Variants in OR2V2 observed in about 807,000 individuals in gnomAD.
The protein encoded by OR2V2 is olfactory receptor 2V2.
For missense variants in OR2V2, 392 were observed against 392.2 expected (o/e 1.00, Z 0.00); for synonymous variants, 161 against 151.3 (o/e 1.06, Z -0.47).
Position 181,147,827 on chromosome 5 carries a change from C to A in OR2V2, c.-193C>A, listed in dbSNP as rs1050302777. ...GCTGAGGGTGCCGTGGGCTCCACAG[C>A]CCGATGAGTAGTCGGTGCGGGCTGA... On this transcript the variant is annotated 5_prime_UTR_variant, in exon 1 of 2. Coordinates refer to ENST00000641492, the MANE Select transcript of OR2V2 (RefSeq NM_206880.2). The A allele has an allele frequency of 2.3e-4, 90 of 394,014 alleles. No homozygotes were observed. The highest frequency in any genetic ancestry group is 7.0e-4 in the African/African-American group (34 of 48,540). The allele number at this position is 394,014 out of a possible 1,614,324, so 24.4% of individuals were successfully genotyped here. A position where few individuals can be genotyped will look rare whatever the true frequency, so the allele number is the denominator to read the frequency against.
Position 181,155,683 on chromosome 5 carries a change from A to T in OR2V2, c.741A>T (p.Thr247=). The change falls in exon 2 of 2, where the codon ACA becomes ACT. Residue 247 remains threonine, a synonymous_variant. Transcript: ENST00000641492. ...KALATCSSHL[T]AVTLFYGAAM... Reference sequence around the variant, plus strand: ...TGGCCACCTGCTCCTCCCACCTGACAGCTGTCACCCTCTTCTATGGGGCAG... The same window carrying T: ...TGGCCACCTGCTCCTCCCACCTGACTGCTGTCACCCTCTTCTATGGGGCAG... 2 of 1,614,188 alleles carry T rather than the reference A, an allele frequency of 1.2e-6. No individual in the cohort carries two copies. Among genetic ancestry groups the T allele is most frequent in the Non-Finnish European group, 1.7e-6 (2 of 1,180,040 alleles).
In OR2V2 at chr5:181,155,969, T is replaced by G. The variant is rs1763259432; in HGVS notation, c.*79T>G. 2.2e-6 allele frequency: 3 copies of G among 1,360,288 alleles called. No homozygotes were observed. Among genetic ancestry groups the G allele is most frequent in the Non-Finnish European group, 2.0e-6 (2 of 999,114 alleles). 84.3% of individuals were successfully genotyped at this position (1,360,288 alleles called of 1,614,324 possible). On this transcript the variant is annotated 3_prime_UTR_variant, in exon 2 of 2. Coordinates refer to ENST00000641492, the MANE Select transcript of OR2V2 (RefSeq NM_206880.2). ...GTTAATAATTCTCTCATTTTCAGTC[T>G]TGGTTTCCTCGTGAATTATGATGAT...
In OR2V2 at chr5:181,154,990, A is replaced by G. The variant is rs779199232; in HGVS notation, c.48A>G (p.Leu16=). 3.0e-4 allele frequency: 484 copies of G among 1,613,538 alleles called. No homozygotes were observed. The highest frequency in any genetic ancestry group is 3.8e-4 in the Non-Finnish European group (448 of 1,179,458). Residue 16 remains leucine (L), a synonymous_variant, in exon 2 of 2, where the codon TTA becomes TTG. Coordinates refer to ENST00000641492, the MANE Select transcript of OR2V2 (RefSeq NM_206880.2). ...CCTACACAGATGGCTTCTTCCTCTT[A>G]GGCATCTTCTCCCACAGTACTGCTG... ...NQSYTDGFFL[L]GIFSHSTADL... is the part of the protein sequence containing the mutation.
chr5:181,158,822 C>T lies in OR2V2; in HGVS notation c.*2932C>T, dbSNP rs549534117. On this transcript the variant is annotated 3_prime_UTR_variant, in exon 2 of 2. Coordinates refer to ENST00000641492, the MANE Select transcript of OR2V2 (RefSeq NM_206880.2). Reference sequence around the variant, plus strand: ...AGGCCAGTTTTTTTTTTGCCAACTACCTTACCAAATCCTTTCCCATCAAGT... The same window carrying T: ...AGGCCAGTTTTTTTTTTGCCAACTATCTTACCAAATCCTTTCCCATCAAGT... 1 of 151,398 alleles carries T rather than the reference C, an allele frequency of 6.6e-6. No individual in the cohort carries two copies. Among genetic ancestry groups the T allele is most frequent in the African/African-American group, 2.4e-5 (1 of 41,208 alleles). 9.4% of individuals were successfully genotyped at this position (151,398 alleles called of 1,614,324 possible).
intron 1 of OR2V2, among the ~76,000 whole-genome samples, chr5:181,153,375 C>T (rs1041229104): frequency 2.0e-5 from 3 of 152,088 alleles, no homozygotes; most frequent in Non-Finnish European, 2.9e-5. Context: ...TGGTGCCTCT[C>T]GATACTAAGG....
At chr5:181,154,459 G>A (rs1259272355) in intron 1 of OR2V2, among the ~76,000 whole-genome samples, 7 of 151,982 alleles carry the variant, frequency 4.6e-5, no homozygotes, top group African/African-American at 7.3e-5. Context: ...GCGTGGTGGC[G>A]GGCGCCTGTA....
At position 181,155,250 on chromosome 5, in the gene OR2V2, G is replaced by T; in HGVS notation, c.308G>T (p.Gly103Val). The T allele has an allele frequency of 2.5e-6, 4 of 1,612,286 alleles. No homozygotes were observed. Among genetic ancestry groups the T allele is most frequent in the Non-Finnish European group, 3.4e-6 (4 of 1,179,766 alleles). Residue 103 changes from glycine (G) to valine (V), a missense_variant, in exon 2 of 2, where the codon GGC becomes GTC. Transcript: ENST00000641492. ...TTTGTGGGCTGTGGCATACAAATTG[G>T]CCTCTTTGTCTGTCTTGTGGGATCT... ...ISFVGCGIQI[G>V]LFVCLVGSEG... is the part of the protein sequence containing the mutation.
intron 1 of OR2V2, among the ~76,000 whole-genome samples, chr5:181,151,128 G>A (rs571353059): frequency 6.6e-6 from 1 of 152,172 alleles, no homozygotes; most frequent in South Asian, 2.1e-4. Context: ...CTGAAGGAGG[G>A]TGTAGACAAG....
At chr5:181,152,501 T>A (rs913044190) in intron 1 of OR2V2, among the ~76,000 whole-genome samples, 1 of 152,168 alleles carries the variant, frequency 6.6e-6, no homozygotes, top group African/African-American at 2.4e-5. Flanking sequence ...TCGTTACAGG[T>A]GGACGCACAC....
chr5:181,153,763 A>G (rs1763221720), intron 1 of OR2V2, among the ~76,000 whole-genome samples: 1 of 152,228 alleles, frequency 6.6e-6, no homozygotes, highest in South Asian at 2.1e-4. Flanking sequence ...ATCCATTGAA[A>G]CTTTGATGAA....
chr5:181,155,537 G>A lies in OR2V2; in HGVS notation c.595G>A (p.Val199Met), dbSNP rs371453705. Residue 199 changes from valine to methionine, a missense_variant, in exon 2 of 2, where the codon GTG (valine) becomes ATG (methionine). Coordinates refer to ENST00000641492, the MANE Select transcript of OR2V2 (RefSeq NM_206880.2). ...ACVDTSLFEK[V>M]IFACCVFMLL... ...TGTAGACACATCCCTGTTTGAGAAG[G>A]TGATATTTGCTTGCTGTGTCTTCAT... The A allele has an allele frequency of 2.5e-6, 4 of 1,614,064 alleles. No individual in the cohort carries two copies. The highest frequency in any genetic ancestry group is 1.1e-5 in the South Asian group (1 of 91,086).
At chr5:181,153,716 C>A (rs780943110) in intron 1 of OR2V2, among the ~76,000 whole-genome samples, 1 of 152,144 alleles carries the variant, frequency 6.6e-6, no homozygotes, top group Non-Finnish European at 1.5e-5. Flanking sequence ...GGCTAAATAT[C>A]AAGGGAAACC....
At chr5:181,149,806 C>T (rs935238219) in intron 1 of OR2V2, among the ~76,000 whole-genome samples, 1 of 152,156 alleles carries the variant, frequency 6.6e-6, no homozygotes, top group African/African-American at 2.4e-5. Flanking sequence ...GAGAGAGTCA[C>T]TTGTTACGTA....
chr5:181,154,151 CAG>C (rs1213062219), intron 1 of OR2V2, among the ~76,000 whole-genome samples: 1 of 152,176 alleles, frequency 6.6e-6, no homozygotes, highest in Non-Finnish European at 1.5e-5. Context: ...AGAAAACTCT[CAG>C]AACATAGAGA....
At chr5:181,148,157 G>A (rs1371446279) in intron 1 of OR2V2, among the ~76,000 whole-genome samples, 162 bp downstream of exon 1, 5 of 152,146 alleles carry the variant, frequency 3.3e-5, no homozygotes, top group African/African-American at 9.7e-5. Context: ...GGGGGCATCC[G>A]CCTTCTGGTG....
chr5:181,155,569 C>T lies in OR2V2; in HGVS notation c.627C>T (p.Leu209=), dbSNP rs1763252526. Residue 209 remains leucine (L), a synonymous_variant, in exon 2 of 2, where the codon CTC becomes CTT. Coordinates refer to ENST00000641492, the MANE Select transcript of OR2V2 (RefSeq NM_206880.2). ...TTGCTTGCTGTGTCTTCATGCTTCT[C>T]TTCCCATTCTCCATCATCGTGGCCT... The part of the protein sequence containing the change: ...VIFACCVFML[L]FPFSIIVASY... The T allele has an allele frequency of 1.2e-6, 2 of 1,614,224 alleles. No homozygotes were observed. The highest frequency in any genetic ancestry group is 1.7e-6 in the Non-Finnish European group (2 of 1,180,042).
In OR2V2 at chr5:181,155,568, T is replaced by C. The variant is rs139903393; in HGVS notation, c.626T>C (p.Leu209Pro). The C allele has an allele frequency of 6.7e-4, 1,074 of 1,614,236 alleles. 7 individuals are homozygous for C. In the African/African-American group the frequency reaches 0.013, roughly 19 times the overall value. The stretch of plus-strand genomic sequence containing the variant: ...TTTGCTTGCTGTGTCTTCATGCTTC[T>C]CTTCCCATTCTCCATCATCGTGGCC... ...VIFACCVFML[L>P]FPFSIIVASY... The change falls in exon 2 of 2, where the codon CTC (leucine) becomes CCC (proline). Residue 209 changes from leucine to proline, a missense_variant. Leu to Pro is a moderately conservative substitution (Grantham distance 98, BLOSUM62 -3). Coordinates refer to ENST00000641492, the MANE Select transcript of OR2V2 (RefSeq NM_206880.2).
chr5:181,152,797 G>A (rs1007956070), intron 1 of OR2V2, among the ~76,000 whole-genome samples: 3 of 152,248 alleles, frequency 2.0e-5, no homozygotes, highest in Non-Finnish European at 4.4e-5. Context: ...TGAGGCACCT[G>A]CGAGGAGGGA....
chr5:181,150,193 G>A (rs887315466), intron 1 of OR2V2, among the ~76,000 whole-genome samples: 1 of 152,326 alleles, frequency 6.6e-6, no homozygotes, highest in South Asian at 2.1e-4. Context: ...AAGTCAGGAC[G>A]TGCTCCGCTC....
Sources: gnomAD v4.1 joint callset for allele counts (sites outside exome capture counted in the v4.1 genomes callset) on GRCh38, gnomAD v4.1.1 for gene constraint, MANE v1.5 for transcripts, NCBI Gene and HGNC (gene_info 2026-07-23, HGNC 2026-07-21) for gene names.